CDS1: variants seen among roughly 807,000 people sequenced by gnomAD.
CDS1 encodes CDP-diacylglycerol synthase 1.
CDS1 carries 41 observed loss-of-function variants against 62.1 expected under a neutral mutation model. The observed-to-expected ratio is 0.66, with a 90% CI of 0.51 to 0.86. The LOEUF (loss-of-function observed/expected upper bound fraction) is 0.86, where lower values mean the gene tolerates loss of function less well. Ranked by LOEUF, CDS1 falls within the 40% of genes least tolerant of loss-of-function variation. CDS1 has a pLI of 0.00. For synonymous variants in CDS1, 185 were observed against 192.6 expected (o/e 0.96, Z 0.32); for missense variants, 470 against 550.1 (o/e 0.85, Z 1.46).
intron 11 of CDS1, among the ~76,000 whole-genome samples, chr4:84,644,197 A>G (rs1291528465): frequency 6.6e-6 from 1 of 152,176 alleles, no homozygotes; most frequent in Non-Finnish European, 1.5e-5. Flanking sequence ...TGCAGTATAC[A>G]AAAATATACA....
rs79902700 is a variant in CDS1, at chr4:84,617,644, G to T, written c.423G>T (p.Trp141Cys). 2.2e-4 allele frequency: 338 copies of T among 1,519,490 alleles called. No homozygotes were observed. The East Asian group carries it at 7.6e-3, about 34-fold the overall frequency. The allele number at this position is 1,519,490 out of a possible 1,614,324, so 94.1% of individuals were successfully genotyped here. ...TCTATCATTCTTATGATCTACCATG[G>T]TTTAGAACACTAAGTTGGTAAGTAA... ...YRVYHSYDLP[W>C]FRTLSWYFLL... Residue 141 changes from tryptophan to cysteine, a missense_variant, in exon 4 of 13, where the codon TGG becomes TGT. By Grantham distance (215) the Trp-to-Cys change is radical (BLOSUM62 -2). Around this residue, in one of 5 missense-constraint regions of CDS1, gnomAD observed 34 missense variants for 64.8 expected, o/e 0.52. Transcript: ENST00000295887.
chr4:84,623,755 C>T (rs1057326144), intron 5 of CDS1, among the ~76,000 whole-genome samples: 20 of 152,084 alleles, frequency 1.3e-4, no homozygotes, highest in African/African-American at 3.1e-4. Flanking sequence ...TTAACTTAGC[C>T]GTTCTAACCC....
intron 1 of CDS1, among the ~76,000 whole-genome samples, chr4:84,587,374 G>C (rs986508080): frequency 2.0e-5 from 3 of 152,162 alleles, no homozygotes; most frequent in Non-Finnish European, 2.9e-5. Flanking sequence ...TGACAGTTCA[G>C]ATGTGTTCCA....
In CDS1 at chr4:84,583,300, G is replaced by A. The variant is rs1179103409; in HGVS notation, c.-102G>A. 7.6e-6 allele frequency: 6 copies of A among 786,670 alleles called. No individual in the cohort carries two copies. The highest frequency in any genetic ancestry group is 1.2e-5 in the Non-Finnish European group (6 of 488,964). 48.7% of individuals were successfully genotyped at this position (786,670 alleles called of 1,614,324 possible). ...GGCTGCGGCTCCGCGGGACTCCAGG[G>A]CGCGGCTGCGAGGTGGCGGGGCGCC... On this transcript the variant is annotated 5_prime_UTR_variant, in exon 1 of 13. Coordinates refer to ENST00000295887, the MANE Select transcript of CDS1 (RefSeq NM_001263.4).
chr4:84,616,635 G>A (rs1216424687), intron 3 of CDS1, among the ~76,000 whole-genome samples: 1 of 152,192 alleles, frequency 6.6e-6, no homozygotes, highest in Non-Finnish European at 1.5e-5. Flanking sequence ...CCCTTGGGGT[G>A]TGTTCTCTAG....
chr4:84,631,845 G>A lies in CDS1; in HGVS notation c.607G>A (p.Val203Met). The A allele has an allele frequency of 1.2e-6, 2 of 1,612,190 alleles. No homozygotes were observed. Among genetic ancestry groups the A allele is most frequent in the Non-Finnish European group, 1.7e-6 (2 of 1,178,480 alleles). The part of the protein sequence containing the change: ...AGFCMFVLSL[V>M]KKHYRLQFYM... ...TTTCTGCATGTTTGTACTGAGTTTG[G>A]TGAAGAAACATTATCGTCTGCAGTT... The change falls in exon 6 of 13, where the codon GTG becomes ATG. Residue 203 changes from valine to methionine, a missense_variant. By Grantham distance (21) the Val-to-Met change is conservative (BLOSUM62 1). This residue lies in a region of CDS1 where 214 missense variants were observed against 242.4 expected (regional missense o/e 0.88). Transcript: ENST00000295887.
At chr4:84,625,594 T>C (rs1380824158) in intron 5 of CDS1, among the ~76,000 whole-genome samples, 1 of 151,978 alleles carries the variant, frequency 6.6e-6, no homozygotes, top group African/African-American at 2.4e-5. Context: ...TGAGAAAGGA[T>C]TGCATGTTTT....
At chr4:84,619,109 G>A (rs1404198511) in intron 4 of CDS1, among the ~76,000 whole-genome samples, 1 of 151,138 alleles carries the variant, frequency 6.6e-6, no homozygotes, top group Non-Finnish European at 1.5e-5. Context: ...CCAAGGGTGA[G>A]GGATTGTGTG....
At chr4:84,643,619 G>T (rs1178630107) in intron 11 of CDS1, among the ~76,000 whole-genome samples, 1 of 152,192 alleles carries the variant, frequency 6.6e-6, no homozygotes, top group African/African-American at 2.4e-5. Context: ...TTCTATCAAA[G>T]CTTCTCAACC....
In CDS1 at chr4:84,630,381, T is replaced by A. The variant is rs191458594; in HGVS notation, c.581-1438T>A. 6.6e-5 allele frequency among the ~76,000 whole-genome samples: 10 copies of A among 152,256 alleles called. No homozygotes were observed. The East Asian group carries it at 1.9e-3, about 29-fold the overall frequency. ...GTTGGATTACCTCATAGATGACAAA[T>A]AGGAGGTGAGATAGGATTGGGGTCA... On this transcript the variant is annotated intron_variant, in intron 5 of 12. Coordinates refer to ENST00000295887, the MANE Select transcript of CDS1 (RefSeq NM_001263.4).
rs1724183854 is a variant in CDS1 at position 84,635,696 on chromosome 4, T to TTTCCTCCCTCCC, written c.810+346_810+347insTCCTCCCTCCCT. 3.4e-5 allele frequency among the ~76,000 whole-genome samples: 2 copies of TTTCCTCCCTCCC among 58,408 alleles called. 1 individual carries two copies. Among genetic ancestry groups the TTTCCTCCCTCCC allele is most frequent in the Non-Finnish European group, 6.6e-5 (2 of 30,310 alleles). The allele number at this position is 58,408 out of a possible 152,430, so 38.3% of individuals were successfully genotyped here. The stretch of plus-strand genomic sequence containing the variant: ...CTTCCTTCCTTCCTTCCTTCCCTCC[T>TTTCCTCCCTCCC]TCCCTCCCTCCCTCCCTCCCTCCCT... On this transcript the variant is annotated intron_variant, in intron 8 of 12. Transcript: ENST00000295887.
At chr4:84,602,762 C>T (rs190623831) in intron 1 of CDS1, among the ~76,000 whole-genome samples, 121 of 152,200 alleles carry the variant, frequency 8.0e-4, no homozygotes, top group Middle Eastern at 3.4e-3. Flanking sequence ...ACCAGACTGA[C>T]GGCAGGTGCC....
intron 12 of CDS1, 99 bp from the exon 13 acceptor site, chr4:84,648,458 C>A: frequency 9.0e-7 from 1 of 1,106,620 alleles, no homozygotes. Flanking sequence ...GATTCCTACT[C>A]TACACTTAAA....
intron 1 of CDS1, among the ~76,000 whole-genome samples, chr4:84,599,814 A>G (rs1722881758): frequency 6.6e-6 from 1 of 152,040 alleles, no homozygotes. Flanking sequence ...CCTAGTTTGG[A>G]GCTATTGCGA....
chr4:84,635,621 G>GCCTGCCTGCCTT (rs1724168252), intron 8 of CDS1, among the ~76,000 whole-genome samples: 3 of 84,844 alleles, frequency 3.5e-5, no homozygotes, highest in African/African-American at 1.5e-4. Context: ...CTGCCTGCCT[G>GCCTGCCTGCCTT]CCTGCCTTCC....
At chr4:84,622,049 G>A (rs868693848) in intron 5 of CDS1, among the ~76,000 whole-genome samples, 55 of 152,134 alleles carry the variant, frequency 3.6e-4, no homozygotes, top group African/African-American at 1.2e-3. Flanking sequence ...GAAACTTTGA[G>A]TATTTTCTCT....
In CDS1 at chr4:84,645,247, A is replaced by T; in HGVS notation, c.1178A>T (p.His393Leu). ...IKDFANTIPGHGGIMDRFDCQ... is the reference protein window; with the variant it reads ...IKDFANTIPGLGGIMDRFDCQ... ...GATTTTGCAAATACCATTCCTGGAC[A>T]TGGTGGGATAATGGACAGATTTGAT... The change falls in exon 12 of 13, where the codon CAT becomes CTT. Residue 393 changes from histidine (H) to leucine (L), a missense_variant. His to Leu is a moderately conservative substitution (Grantham distance 99, BLOSUM62 -3). Coordinates refer to ENST00000295887, the MANE Select transcript of CDS1 (RefSeq NM_001263.4). The T allele has an allele frequency of 2.5e-6, 4 of 1,612,404 alleles. No homozygotes were observed. Among genetic ancestry groups the T allele is most frequent in the Non-Finnish European group, 2.5e-6 (3 of 1,178,638 alleles).
chr4:84,640,912 G>A lies in CDS1; in HGVS notation c.954G>A (p.Val318=), dbSNP rs767759307. The A allele has an allele frequency of 1.9e-6, 3 of 1,611,940 alleles. No individual in the cohort carries two copies. Among genetic ancestry groups the A allele is most frequent in the Non-Finnish European group, 1.7e-6 (2 of 1,179,186 alleles). ...ACCGAAGTGATGTAAACTCCTTCGT[G>A]ACAGAATGTGAGCCCTCAGAACTTT... is the stretch of plus-strand genomic sequence containing the variant. The part of the protein sequence containing the change: ...VEYRSDVNSF[V]TECEPSELFQ... Residue 318 remains valine (V), a synonymous_variant, in exon 10 of 13, where the codon GTG becomes GTA. Transcript: ENST00000295887.
intron 11 of CDS1, 37 bp downstream of exon 11, chr4:84,643,180 T>C (rs771861434): frequency 6.4e-5 from 102 of 1,596,904 alleles, no homozygotes; most frequent in Non-Finnish European, 8.0e-5. Flanking sequence ...TATTAGAGAA[T>C]ATAATTAGAG....
Sources: gnomAD v4.1 joint callset for allele counts (sites outside exome capture counted in the v4.1 genomes callset) on GRCh38, gnomAD v4.1.1 for gene constraint, gnomAD v4.1.1 regional missense constraint, MANE v1.5 for transcripts, NCBI Gene and HGNC (gene_info 2026-07-23, HGNC 2026-07-21) for gene names.